Variants in LDB2 observed in about 807,000 individuals in gnomAD.
LDB2 encodes LIM domain-binding protein 2.
LDB2 carries 12 observed loss-of-function variants against 44.3 expected under a neutral mutation model. That is an observed-to-expected ratio of 0.27 (90% confidence interval 0.17 to 0.44). The LOEUF is 0.44. Among genes scored for constraint, LDB2 ranks in the 20% least tolerant of loss-of-function variants. The pLI is 1.00. For missense variants in LDB2, 344 were observed against 473.5 expected (o/e 0.73, Z 2.54); for synonymous variants, 164 against 174.8 (o/e 0.94, Z 0.49).
intron 1 of LDB2, among the ~76,000 whole-genome samples, chr4:16,837,945 G>A (rs1274567966): frequency 6.6e-6 from 1 of 152,236 alleles, no homozygotes; most frequent in South Asian, 2.1e-4. Flanking sequence ...TCTGTAAAAA[G>A]TATAAAACTT....
chr4:16,545,121 TC>T (rs1235149269), intron 5 of LDB2, among the ~76,000 whole-genome samples: 1 of 151,608 alleles, frequency 6.6e-6, no homozygotes, highest in Non-Finnish European at 1.5e-5. Flanking sequence ...CCTTCCTCCC[TC>T]CCTCCCGCTC....
At chr4:16,636,957 A>C (rs1733769812) in intron 2 of LDB2, among the ~76,000 whole-genome samples, 1 of 152,196 alleles carries the variant, frequency 6.6e-6, no homozygotes, top group Non-Finnish European at 1.5e-5. Context: ...CTCCCTGATA[A>C]CAAAAATTTT....
chr4:16,798,815 C>T (rs1334095620), intron 1 of LDB2, among the ~76,000 whole-genome samples: 2 of 152,224 alleles, frequency 1.3e-5, no homozygotes, highest in Non-Finnish European at 2.9e-5. Flanking sequence ...AGAGATTCAG[C>T]AGTGCTTATT....
At position 16,551,053 on chromosome 4, in the gene LDB2, T is replaced by A. The variant is rs576806245; in HGVS notation, c.615+34869A>T. Among the ~76,000 whole-genome samples, 6 of 152,284 alleles carry A rather than the reference T, an allele frequency of 3.9e-5. No individual in the cohort carries two copies. The East Asian group carries it at 9.6e-4, about 24-fold the overall frequency. Reference sequence around the variant, plus strand: ...TTACATTAAGTTAAAAATCAGATAATAAATAGAAATTCATATATTATTTCT... The same window carrying A: ...TTACATTAAGTTAAAAATCAGATAAAAAATAGAAATTCATATATTATTTCT... On this transcript the variant is annotated intron_variant, in intron 5 of 7. Transcript: ENST00000304523.
intron 1 of LDB2, among the ~76,000 whole-genome samples, chr4:16,781,197 A>G (rs960048324): frequency 1.3e-5 from 2 of 152,218 alleles, no homozygotes; most frequent in Admixed American, 1.3e-4. Flanking sequence ...GCCACAGATC[A>G]GAAGCCAGGC....
chr4:16,888,222 T>C (rs917992161), intron 1 of LDB2, among the ~76,000 whole-genome samples: 15 of 152,202 alleles, frequency 9.9e-5, no homozygotes, highest in African/African-American at 3.1e-4. Context: ...TCCAGCCCTC[T>C]CCTGGGGCCC....
In LDB2 at chr4:16,588,832, C is replaced by T. The variant is rs769013294; in HGVS notation, c.409G>A (p.Val137Ile). ...TQHGKPMFTK[V>I]CTEGRLILEF... ...AAGATCAGTCTGCCTTCTGTACATA[C>T]CTGGAAGTGACAAACCACACAGTCA... Residue 137 changes from valine to isoleucine, a missense_variant and splice_region_variant, in exon 4 of 8, where the codon GTA (valine) becomes ATA (isoleucine). Transcript: ENST00000304523. 1.9e-6 allele frequency: 3 copies of T among 1,612,690 alleles called. No homozygotes were observed. The highest frequency in any genetic ancestry group is 2.5e-6 in the Non-Finnish European group (3 of 1,179,598).
chr4:16,744,461 C>T (rs1344134172), intron 2 of LDB2, among the ~76,000 whole-genome samples: 1 of 150,404 alleles, frequency 6.6e-6, no homozygotes, highest in East Asian at 2.0e-4. Flanking sequence ...CTGGCCAAGT[C>T]ACGTGATTTT....
At chr4:16,769,025 A>G (rs142443740) in intron 1 of LDB2, among the ~76,000 whole-genome samples, 1 of 152,202 alleles carries the variant, frequency 6.6e-6, no homozygotes, top group Non-Finnish European at 1.5e-5. Flanking sequence ...TATTCAAAAC[A>G]ATATCTCTAA....
At chr4:16,699,946 T>A (rs1371971935) in intron 2 of LDB2, among the ~76,000 whole-genome samples, 1 of 152,160 alleles carries the variant, frequency 6.6e-6, no homozygotes, top group Non-Finnish European at 1.5e-5. Flanking sequence ...TAAATTTGAA[T>A]TTCAGATAAA....
At chr4:16,573,742 C>T (rs2152405067) in intron 5 of LDB2, among the ~76,000 whole-genome samples, 1 of 152,250 alleles carries the variant, frequency 6.6e-6, no homozygotes, top group South Asian at 2.1e-4. Flanking sequence ...TGTCAGAATG[C>T]ATGAATGGTG....
chr4:16,551,492 ACTAT>A (rs1737644523), intron 5 of LDB2, among the ~76,000 whole-genome samples: 1 of 152,052 alleles, frequency 6.6e-6, no homozygotes, highest in Admixed American at 6.5e-5. Context: ...CCTTACTTCA[ACTAT>A]CTATTTATTT....
intron 1 of LDB2, among the ~76,000 whole-genome samples, chr4:16,890,380 C>T (rs750340227): frequency 5.5e-4 from 83 of 152,116 alleles, no homozygotes; most frequent in Admixed American, 6.5e-4. Flanking sequence ...GTTAAGAGGC[C>T]GTCCTGATTC....
intron 1 of LDB2, among the ~76,000 whole-genome samples, chr4:16,831,555 T>C (rs1784085376): frequency 6.6e-6 from 1 of 152,144 alleles, no homozygotes; most frequent in African/African-American, 2.4e-5. Context: ...ATGGTGCTGA[T>C]GACAAAAGAA....
chr4:16,691,369 C>T (rs1200983601), intron 2 of LDB2, among the ~76,000 whole-genome samples: 2 of 152,140 alleles, frequency 1.3e-5, no homozygotes, highest in African/African-American at 4.8e-5. Flanking sequence ...AACAGCTTTG[C>T]AAATATGAAA....
chr4:16,690,979 G>A (rs1750652829), intron 2 of LDB2, among the ~76,000 whole-genome samples: 1 of 152,110 alleles, frequency 6.6e-6, no homozygotes, highest in East Asian at 1.9e-4. Context: ...TTAAAAATGA[G>A]CACTCCACCA....
At chr4:16,821,768 A>AAAAAAAAAAAAAAAAAG in intron 1 of LDB2, among the ~76,000 whole-genome samples, 1 of 150,204 alleles carries the variant, frequency 6.7e-6, no homozygotes, top group Non-Finnish European at 1.5e-5. Flanking sequence ...AAAAAAAAAA[A>AAAAAAAAAAAAAAAAAG]AATCAGGAAT....
chr4:16,691,110 T>C (rs1051403144), intron 2 of LDB2, among the ~76,000 whole-genome samples: 1 of 152,152 alleles, frequency 6.6e-6, no homozygotes, highest in Non-Finnish European at 1.5e-5. Flanking sequence ...GAGGAAACCA[T>C]GATGAGATAC....
chr4:16,712,299 A>C (rs931966851), intron 2 of LDB2, among the ~76,000 whole-genome samples: 1 of 152,228 alleles, frequency 6.6e-6, no homozygotes, highest in Non-Finnish European at 1.5e-5. Context: ...CAAGCCTGTA[A>C]TCCCAGCACT....
Sources: allele counts gnomAD v4.1 joint callset (sites outside exome capture counted in the v4.1 genomes callset), GRCh38; gene constraint gnomAD v4.1.1; transcripts MANE v1.5; gene names NCBI Gene and HGNC (gene_info 2026-07-23, HGNC 2026-07-21).